The following SLC18A1 variants were observed in gnomAD, a reference collection of about 807,000 sequenced individuals.
SLC18A1 encodes the protein solute carrier family 18 member A1.
In SLC18A1, 69 loss-of-function variants were observed where a neutral mutation model predicts 53.7. The ratio of observed to expected loss-of-function variants is 1.28; its 90% CI spans 1.06 to 1.57. The LOEUF (loss-of-function observed/expected upper bound fraction) is 1.57. Ranked by LOEUF, SLC18A1 falls within the 40% of genes most tolerant of loss-of-function variation. The pLI, the probability that SLC18A1 is intolerant of heterozygous loss-of-function variation, is 0.00. For missense variants in SLC18A1, 932 were observed against 668.1 expected, an observed-to-expected ratio of 1.40 and a Z score of -4.35; for synonymous variants, 320 against 248.1, an observed-to-expected ratio of 1.29 and a Z score of -2.72.
chr8:20,158,751 G>A (rs2071743315), intron 10 of SLC18A1, among the ~76,000 whole-genome samples: 1 of 152,132 alleles, frequency 6.6e-6, no homozygotes, highest in African/African-American at 2.4e-5. Flanking sequence ...TCTATACCAA[G>A]CTGTACCTAA....
At chr8:20,173,446 G>T (rs967271387) in intron 5 of SLC18A1, among the ~76,000 whole-genome samples, 2 of 152,084 alleles carry the variant, frequency 1.3e-5, no homozygotes, top group African/African-American at 4.8e-5. Context: ...CAAAATGAGG[G>T]GTTACAGAGC....
chr8:20,150,075 C>A (rs901215445), intron 11 of SLC18A1, among the ~76,000 whole-genome samples: 1 of 152,204 alleles, frequency 6.6e-6, no homozygotes, highest in Non-Finnish European at 1.5e-5. Flanking sequence ...TGCCTCCTAC[C>A]TGTCCTATTT....
At chr8:20,147,773 A>T (rs201340501) in intron 13 of SLC18A1, 51 bp from the exon 14 acceptor site, 4 of 1,519,574 alleles carry the variant, frequency 2.6e-6, no homozygotes, top group South Asian at 2.6e-5. Context: ...AGTTAGTACC[A>T]CCCCGCCTCT....
rs554395484 is a variant in SLC18A1, at chr8:20,175,069, A to G, written c.548-625T>C. Among the ~76,000 whole-genome samples the G allele has an allele frequency of 9.8e-5, 15 of 152,338 alleles. No homozygotes were observed. The East Asian group carries it at 2.9e-3, about 29-fold the overall frequency. The stretch of plus-strand genomic sequence containing the variant: ...TGCAAAATAAAAATAACATCTAGTT[A>G]TTGTCCGTGAAGAGAGGCAGTGTGT... On this transcript the variant is annotated intron_variant, in intron 4 of 15. Transcript: ENST00000276373.
chr8:20,169,687 T>C (rs1418716981), intron 8 of SLC18A1, among the ~76,000 whole-genome samples: 1 of 152,174 alleles, frequency 6.6e-6, no homozygotes, highest in Non-Finnish European at 1.5e-5. Flanking sequence ...GAGACCAGCC[T>C]GGCCAACATG....
At chr8:20,180,789 C>A in intron 2 of SLC18A1, 52 bp downstream of exon 2, 1 of 1,607,794 alleles carries the variant, frequency 6.2e-7, no homozygotes, top group Non-Finnish European at 8.5e-7. Context: ...TGTACACTGC[C>A]TGCTGGGGCC....
At chr8:20,180,379 A>C (rs1036703629) in intron 2 of SLC18A1, among the ~76,000 whole-genome samples, 2 of 152,216 alleles carry the variant, frequency 1.3e-5, no homozygotes, top group East Asian at 3.9e-4. Context: ...CAACTAAAAA[A>C]AGCAGGATTC....
In SLC18A1 at chr8:20,148,011, G is replaced by A. The variant is rs1298554190; in HGVS notation, c.1206C>T (p.Ala402=). 1 of 1,613,866 alleles carries A rather than the reference G, an allele frequency of 6.2e-7. No individual in the cohort carries two copies. The highest frequency in any genetic ancestry group is 8.5e-7 in the Non-Finnish European group (1 of 1,179,876). Residue 402 remains alanine, a synonymous_variant, in exon 13 of 16, where the codon GCC becomes GCT. Coordinates refer to ENST00000276373, the MANE Select transcript of SLC18A1 (RefSeq NM_003053.4). ...LIGPNAGLGL[A]IGMVDSSMMP... ...TTCTTTGAGGGCACTTCTTACCTAT[G>A]GCAAGGCCAAGCCCTGCATTGGGGC...
rs559357575 is a variant in SLC18A1 at position 20,164,969 on chromosome 8, G to T, written c.920-5C>A. The T allele has an allele frequency of 6.2e-7, 1 of 1,614,036 alleles. No homozygotes were observed. The highest frequency in any genetic ancestry group is 2.2e-5 in the East Asian group (1 of 44,872). ...TGTTGGCAAAGCAGATGGACCCTGG[G>T]GAGACTGTTCTGTGAGCAGCCGTGG... On this transcript the variant is annotated splice_region_variant and splice_polypyrimidine_tract_variant and intron_variant, in intron 9 of 15. Transcript: ENST00000276373.
chr8:20,152,991 A>T (rs1373052608), intron 10 of SLC18A1, among the ~76,000 whole-genome samples: 2 of 152,186 alleles, frequency 1.3e-5, no homozygotes, highest in African/African-American at 4.8e-5. Flanking sequence ...ATTTTATCAT[A>T]GCTTCTGTTT....
chr8:20,153,999 C>A (rs1408522491), intron 10 of SLC18A1, among the ~76,000 whole-genome samples: 1 of 152,124 alleles, frequency 6.6e-6, no homozygotes, highest in Non-Finnish European at 1.5e-5. Context: ...CTGTCCCCAT[C>A]CTCACGGTAA....
chr8:20,149,778 A>T, intron 11 of SLC18A1, 51 bp from the exon 12 acceptor site: 1 of 1,528,606 alleles, frequency 6.5e-7, no homozygotes, highest in Non-Finnish European at 9.1e-7. Flanking sequence ...GCTCCCCTCC[A>T]CCTGTACCCC....
rs1010806777 is a variant in SLC18A1 at position 20,147,797 on chromosome 8, G to A, written c.1211-75C>T. ...CACCCCGCCTCTCCTCCTCCATTTA[G>A]TCCATTTGCTTTGTCTGCTGTCTTC... On this transcript the variant is annotated intron_variant, in intron 13 of 15. Coordinates refer to ENST00000276373, the MANE Select transcript of SLC18A1 (RefSeq NM_003053.4). 30 of 1,578,500 alleles carry A rather than the reference G, an allele frequency of 1.9e-5. No individual in the cohort carries two copies. In the Admixed American group the frequency reaches 4.9e-4, roughly 26 times the overall value.
Position 20,171,399 on chromosome 8 carries a change from A to G in SLC18A1, c.814+6T>C. 1 of 1,611,316 alleles carries G rather than the reference A, an allele frequency of 6.2e-7. No individual in the cohort carries two copies. The highest frequency in any genetic ancestry group is 8.5e-7 in the Non-Finnish European group (1 of 1,177,518). On this transcript the variant is annotated splice_donor_region_variant and intron_variant, in intron 7 of 15. Coordinates refer to ENST00000276373, the MANE Select transcript of SLC18A1 (RefSeq NM_003053.4). ...TCACCTGCTGGAGGCTCTGATGGTGACTTACCTCCATCCAGTAGTGCCAGG... is the reference window on the plus strand; with the variant it reads ...TCACCTGCTGGAGGCTCTGATGGTGGCTTACCTCCATCCAGTAGTGCCAGG...
At chr8:20,165,734 G>A (rs2071941829) in intron 8 of SLC18A1, among the ~76,000 whole-genome samples, 1 of 152,082 alleles carries the variant, frequency 6.6e-6, no homozygotes, top group South Asian at 2.1e-4. Context: ...CATCATTATT[G>A]CCTTTGCCTA....
chr8:20,179,060 T>C, intron 3 of SLC18A1, 61 bp downstream of exon 3: 3 of 1,526,806 alleles, frequency 2.0e-6, no homozygotes, highest in Middle Eastern at 1.8e-4. Flanking sequence ...ACCCCCTTTC[T>C]ATACTTTTCT....
Position 20,150,836 on chromosome 8 carries a change from A to T in SLC18A1, c.1016-92T>A, listed in dbSNP as rs963432832. ...CAAGACACTGAAGTCCACCCCTGTA[A>T]CCTTCCAAGATCCCCAAACCACTTT... On this transcript the variant is annotated intron_variant, in intron 10 of 15. Coordinates refer to ENST00000276373, the MANE Select transcript of SLC18A1 (RefSeq NM_003053.4). 4.4e-6 allele frequency: 5 copies of T among 1,147,294 alleles called. No individual in the cohort carries two copies. The African/African-American group carries it at 4.6e-5, about 10-fold the overall frequency. The allele number at this position is 1,147,294 out of a possible 1,614,324, so 71.1% of individuals were successfully genotyped here. A position where few individuals can be genotyped will look rare whatever the true frequency, so the allele number is the denominator to read the frequency against.
In SLC18A1 at chr8:20,180,979, T is replaced by C; in HGVS notation, c.-15A>G. ...GTCCGGAGCATGGTGATGGCCGGAC[T>C]GGGGCAGTCTTCCCCTGCGGGCTCT... On this transcript the variant is annotated 5_prime_UTR_variant, in exon 2 of 16. Coordinates refer to ENST00000276373, the MANE Select transcript of SLC18A1 (RefSeq NM_003053.4). 1 of 1,561,202 alleles carries C rather than the reference T, an allele frequency of 6.4e-7. No homozygotes were observed. Among genetic ancestry groups the C allele is most frequent in the Non-Finnish European group, 8.7e-7 (1 of 1,152,716 alleles).
chr8:20,160,914 C>A (rs932724012), intron 10 of SLC18A1, among the ~76,000 whole-genome samples: 3 of 152,122 alleles, frequency 2.0e-5, no homozygotes, highest in Non-Finnish European at 4.4e-5. Flanking sequence ...AAACTCCCCC[C>A]TTTTGTGACT....
Sources: gnomAD v4.1 joint callset for allele counts (sites outside exome capture counted in the v4.1 genomes callset) on GRCh38, gnomAD v4.1.1 for gene constraint, MANE v1.5 for transcripts, NCBI Gene and HGNC (gene_info 2026-07-23, HGNC 2026-07-21) for gene names.